Variants in MDFIC observed in about 807,000 individuals in gnomAD.
MDFIC encodes MyoD family inhibitor domain containing.
MDFIC carries 17 observed loss-of-function variants against 23.2 expected under a neutral mutation model. The observed-to-expected ratio is 0.73, with a 90% confidence interval of 0.50 to 1.10. The LOEUF (loss-of-function observed/expected upper bound fraction) is 1.10, where lower values mean the gene tolerates loss of function less well. Ranked by LOEUF, MDFIC falls within the 50% of genes least tolerant of loss-of-function variation. MDFIC has a pLI of 0.00. For missense variants in MDFIC, 356 were observed against 316.6 expected (o/e 1.12, Z -0.95); for synonymous variants, 120 against 115.2 (o/e 1.04, Z -0.27).
intron 2 of MDFIC, among the ~76,000 whole-genome samples, chr7:114,928,550 G>T (rs1469225953): frequency 6.6e-6 from 1 of 152,164 alleles, no homozygotes; most frequent in Non-Finnish European, 1.5e-5. Flanking sequence ...ACAAGGCTTG[G>T]GGGAGATGAT....
chr7:114,955,780 G>A (rs995013383), intron 3 of MDFIC, among the ~76,000 whole-genome samples: 1 of 152,108 alleles, frequency 6.6e-6, no homozygotes, highest in African/African-American at 2.4e-5. Context: ...TTCTCAGTCC[G>A]CAGTTCATGC....
At chr7:114,938,175 C>T (rs779560638) in intron 2 of MDFIC, among the ~76,000 whole-genome samples, 2 of 152,024 alleles carry the variant, frequency 1.3e-5, no homozygotes, top group Middle Eastern at 3.4e-3. Flanking sequence ...AGGCTGGTCT[C>T]GAACTCCTGA....
chr7:114,979,623 G>C lies in MDFIC; in HGVS notation c.335G>C (p.Gly112Ala). Residue 112 changes from glycine (G) to alanine (A), a missense_variant, in exon 4 of 5, where the codon GGG becomes GCG. Coordinates refer to ENST00000393486, the MANE Select transcript of MDFIC (RefSeq NM_001166345.3). ...AGCAATGGAAATGGAATTCACCACG[G>C]GGCCAAACACGGATCCGCAGATAAT... is the stretch of plus-strand genomic sequence containing the variant. Reference protein sequence around the residue: ...GLSNGNGIHHGAKHGSADNRK... With the variant: ...GLSNGNGIHHAAKHGSADNRK... 1 of 1,613,940 alleles carries C rather than the reference G, an allele frequency of 6.2e-7. No homozygotes were observed. The highest frequency in any genetic ancestry group is 8.5e-7 in the Non-Finnish European group (1 of 1,179,972).
chr7:114,994,232 C>T (rs1046837355), intron 4 of MDFIC, among the ~76,000 whole-genome samples: 4 of 152,000 alleles, frequency 2.6e-5, no homozygotes, highest in African/African-American at 9.7e-5. Flanking sequence ...TTATTTTGAG[C>T]CTATGTGTGT....
At chr7:114,923,549 C>G (rs994471652) in intron 2 of MDFIC, 1 of 1,535,870 alleles carries the variant, frequency 6.5e-7, no homozygotes, top group Admixed American at 2.0e-5. Flanking sequence ...GGCTCCTCTA[C>G]CACCCGGTTG....
Position 114,942,356 on chromosome 7 carries a change from A to T in MDFIC, c.176A>T (p.Gln59Leu). The change falls in exon 3 of 5, where the codon CAG becomes CTG. Residue 59 changes from glutamine to leucine, a missense_variant. By Grantham distance (113) the Gln-to-Leu change is moderately radical. Coordinates refer to ENST00000393486, the MANE Select transcript of MDFIC (RefSeq NM_001166345.3). ...TTCACACATGGAGAGATGCAAGACCAGTCCATTTGGGGAAATCCTTCGGAT... is the reference window on the plus strand; with the variant it reads ...TTCACACATGGAGAGATGCAAGACCTGTCCATTTGGGGAAATCCTTCGGAT... ...SHFTHGEMQD[Q>L]SIWGNPSDGE... The T allele has an allele frequency of 6.2e-7, 1 of 1,605,340 alleles. No individual in the cohort carries two copies. Among genetic ancestry groups the T allele is most frequent in the Non-Finnish European group, 8.5e-7 (1 of 1,175,364 alleles).
intron 4 of MDFIC, among the ~76,000 whole-genome samples, chr7:114,992,359 T>C (rs2116031687): frequency 8.3e-6 from 1 of 120,768 alleles, no homozygotes; most frequent in East Asian, 2.5e-4. Context: ...CCTGCCTGAT[T>C]GCCCTGGCCA....
At chr7:114,989,825 G>A (rs565431755) in intron 4 of MDFIC, among the ~76,000 whole-genome samples, 9 of 152,254 alleles carry the variant, frequency 5.9e-5, no homozygotes, top group African/African-American at 1.9e-4. Context: ...GTCATTCCAT[G>A]AGCATTTATT....
chr7:114,989,159 C>G (rs1419107969), intron 4 of MDFIC, among the ~76,000 whole-genome samples: 1 of 152,110 alleles, frequency 6.6e-6, no homozygotes, highest in Non-Finnish European at 1.5e-5. Context: ...GAGGGGGAGA[C>G]AGACTGGAGA....
intron 3 of MDFIC, among the ~76,000 whole-genome samples, chr7:114,972,129 G>C (rs1221959898): frequency 6.6e-6 from 1 of 152,126 alleles, no homozygotes; most frequent in African/African-American, 2.4e-5. Flanking sequence ...TAATGTGGGG[G>C]AGGGAGGGAA....
At chr7:114,970,085 G>T (rs1444498479) in intron 3 of MDFIC, among the ~76,000 whole-genome samples, 7 of 152,178 alleles carry the variant, frequency 4.6e-5, no homozygotes, top group Admixed American at 4.6e-4. Context: ...TATGGCCAGG[G>T]ACTATCATAA....
intron 4 of MDFIC, among the ~76,000 whole-genome samples, chr7:114,993,043 T>A (rs1381290953): frequency 6.6e-6 from 1 of 152,238 alleles, no homozygotes; most frequent in Non-Finnish European, 1.5e-5. Context: ...GTTATTGGTC[T>A]ATTCAGGGAT....
chr7:114,998,460 G>A (rs1791390076), intron 4 of MDFIC, among the ~76,000 whole-genome samples: 1 of 152,014 alleles, frequency 6.6e-6, no homozygotes. Context: ...ATTTAAATCA[G>A]CTGGACTAAA....
chr7:114,998,959 A>G (rs947740807), intron 4 of MDFIC, among the ~76,000 whole-genome samples: 2 of 152,082 alleles, frequency 1.3e-5, no homozygotes, highest in African/African-American at 4.8e-5. Context: ...CAAGCCTGCC[A>G]CCTCCAGAGT....
At chr7:114,970,850 A>C (rs1201324086) in intron 3 of MDFIC, among the ~76,000 whole-genome samples, 1 of 152,166 alleles carries the variant, frequency 6.6e-6, no homozygotes, top group Admixed American at 6.6e-5. Flanking sequence ...GCTGTTCCTT[A>C]GTTTGTACAT....
chr7:114,949,776 GATAAC>G (rs1792725851), intron 3 of MDFIC, among the ~76,000 whole-genome samples: 1 of 60,654 alleles, frequency 1.6e-5, no homozygotes, highest in South Asian at 8.4e-4. Context: ...GTTCTCATGG[GATAAC>G]ACAAACCCTA....
At chr7:114,945,470 T>G (rs1214858633) in intron 3 of MDFIC, among the ~76,000 whole-genome samples, 2 of 152,212 alleles carry the variant, frequency 1.3e-5, no homozygotes, top group Non-Finnish European at 2.9e-5. Context: ...CTTAGTCTGC[T>G]TTCCCTGGTC....
intron 2 of MDFIC, among the ~76,000 whole-genome samples, chr7:114,928,610 G>T (rs1792243389): frequency 1.2e-4 from 18 of 152,120 alleles, no homozygotes; most frequent in Admixed American, 1.2e-3. Context: ...CTGTATGAAG[G>T]GTCGGAGAAC....
intron 4 of MDFIC, chr7:115,014,024 A>G: frequency 1.0e-6 from 1 of 985,468 alleles, no homozygotes; most frequent in Non-Finnish European, 1.2e-6. Flanking sequence ...GGCACTAAAA[A>G]GAAAGGAAAG....
Sources: gnomAD v4.1 joint callset for allele counts (sites outside exome capture counted in the v4.1 genomes callset) on GRCh38, gnomAD v4.1.1 for gene constraint, MANE v1.5 for transcripts, NCBI Gene and HGNC (gene_info 2026-07-23, HGNC 2026-07-21) for gene names.